The following EHBP1 variants were observed in gnomAD, a reference collection of about 807,000 sequenced individuals.
EHBP1 encodes the protein EH domain binding protein 1, also known as EH domain-binding protein 1.
A neutral mutation model predicts 144.0 loss-of-function variants in EHBP1; 55 were observed. That is an observed-to-expected ratio of 0.38 (90% confidence interval 0.31 to 0.48). The LOEUF (loss-of-function observed/expected upper bound fraction) is 0.48, where lower values mean the gene tolerates loss of function less well. EHBP1 is among the 20% of genes least tolerant of loss of function. EHBP1 has a pLI of 0.98. For missense variants in EHBP1, 1,200 were observed against 1,364.2 expected (o/e 0.88, Z 1.90); for synonymous variants, 469 against 472.7 (o/e 0.99, Z 0.10).
intron 4 of EHBP1, among the ~76,000 whole-genome samples, chr2:62,764,690 G>GTTA (rs1279395438): frequency 2.0e-5 from 3 of 152,012 alleles, no homozygotes; most frequent in Non-Finnish European, 4.4e-5. Context: ...CCTTCATTTT[G>GTTA]TTAGCCTTGT....
chr2:62,720,745 C>G (rs76553939), intron 2 of EHBP1, among the ~76,000 whole-genome samples: 413 of 152,240 alleles, frequency 2.7e-3, no homozygotes, highest in Non-Finnish European at 4.1e-3. Context: ...GGTGTCCAAT[C>G]TTTTGGTTTC....
chr2:62,885,608 A>T (rs2051858455), intron 10 of EHBP1, among the ~76,000 whole-genome samples: 1 of 152,242 alleles, frequency 6.6e-6, no homozygotes, highest in African/African-American at 2.4e-5. Context: ...TCAGGAATAT[A>T]AATGAAATTG....
intron 10 of EHBP1, among the ~76,000 whole-genome samples, chr2:62,895,299 C>T (rs922542647): frequency 6.6e-6 from 1 of 152,098 alleles, no homozygotes; most frequent in Admixed American, 6.5e-5. Context: ...TCATCATCAT[C>T]ATCATCATCA....
intron 10 of EHBP1, among the ~76,000 whole-genome samples, chr2:62,920,306 A>C (rs2153002459): frequency 6.6e-6 from 1 of 152,338 alleles, no homozygotes; most frequent in East Asian, 1.9e-4. Flanking sequence ...AGAAGGCAGT[A>C]GACTGATATG....
At chr2:62,911,794 G>T (rs1276980019) in intron 10 of EHBP1, among the ~76,000 whole-genome samples, 1 of 152,110 alleles carries the variant, frequency 6.6e-6, no homozygotes, top group Non-Finnish European at 1.5e-5. Context: ...GTAGGCTGTG[G>T]AGTGTTAGTG....
chr2:62,812,449 A>G (rs2045092507), intron 5 of EHBP1, among the ~76,000 whole-genome samples: 1 of 152,212 alleles, frequency 6.6e-6, no homozygotes, highest in Non-Finnish European at 1.5e-5. Context: ...TGAATAGAGC[A>G]TTGAGAGTAG....
intron 5 of EHBP1, among the ~76,000 whole-genome samples, chr2:62,825,611 GAA>G (rs1330960344): frequency 1.5e-5 from 2 of 133,758 alleles, no homozygotes; most frequent in Non-Finnish European, 1.6e-5. Context: ...GTTGTAGACA[GAA>G]AAAAAAAAAA....
At chr2:62,935,580 TATTA>T (rs1471871891) in intron 10 of EHBP1, among the ~76,000 whole-genome samples, 13 of 152,072 alleles carry the variant, frequency 8.5e-5, no homozygotes, top group Admixed American at 7.9e-4. Flanking sequence ...TAAATTCTCT[TATTA>T]ATTCTAATAA....
At chr2:62,959,604 A>G (rs2057896483) in intron 14 of EHBP1, among the ~76,000 whole-genome samples, 1 of 152,086 alleles carries the variant, frequency 6.6e-6, no homozygotes, top group Non-Finnish European at 1.5e-5. Flanking sequence ...TGTGATCTTG[A>G]TTTGCACTTT....
intron 19 of EHBP1, among the ~76,000 whole-genome samples, chr2:63,024,549 C>G (rs1425440749): frequency 1.4e-5 from 2 of 140,556 alleles, no homozygotes; most frequent in African/African-American, 5.4e-5. Flanking sequence ...CTATAGTGAG[C>G]TGTGATGATG....
intron 15 of EHBP1, among the ~76,000 whole-genome samples, chr2:62,982,791 G>A (rs1451670543): frequency 1.3e-5 from 2 of 152,160 alleles, no homozygotes; most frequent in Non-Finnish European, 2.9e-5. Flanking sequence ...ACTCACCTGC[G>A]AAAGCCTACT....
chr2:62,941,433 G>C (rs2056751329), intron 10 of EHBP1, among the ~76,000 whole-genome samples: 1 of 152,056 alleles, frequency 6.6e-6, no homozygotes, highest in Non-Finnish European at 1.5e-5. Context: ...TTGTAGAGAT[G>C]ATCATTTAAA....
chr2:62,771,403 G>A lies in EHBP1; in HGVS notation c.312+11G>A. ...TTTGTCATAGAAAATGTAAGCTAAT[G>A]GCAAATTCCTTCACCTTTCACATTT... On this transcript the variant is annotated intron_variant, in intron 5 of 22. Transcript: ENST00000431489. The A allele has an allele frequency of 1.3e-6, 2 of 1,578,350 alleles. No homozygotes were observed. Among genetic ancestry groups the A allele is most frequent in the Non-Finnish European group, 1.7e-6 (2 of 1,160,706 alleles).
intron 4 of EHBP1, among the ~76,000 whole-genome samples, chr2:62,765,502 G>A (rs1573219311): frequency 6.6e-6 from 1 of 152,240 alleles, no homozygotes; most frequent in South Asian, 2.1e-4. Flanking sequence ...TGGGGGCACA[G>A]TGCCTACACT....
chr2:63,034,411 T>G (rs2061378952), intron 19 of EHBP1, among the ~76,000 whole-genome samples: 1 of 152,012 alleles, frequency 6.6e-6, no homozygotes, highest in Non-Finnish European at 1.5e-5. Flanking sequence ...GTGACAAAAA[T>G]GTGGTTGTAA....
At chr2:62,798,363 G>A (rs986991975) in intron 5 of EHBP1, among the ~76,000 whole-genome samples, 3 of 149,700 alleles carry the variant, frequency 2.0e-5, no homozygotes, top group East Asian at 2.0e-4. Context: ...GTGAGACTCC[G>A]TCAAAAAAAA....
At chr2:62,736,886 A>G (rs1389542049) in intron 2 of EHBP1, among the ~76,000 whole-genome samples, 1 of 151,976 alleles carries the variant, frequency 6.6e-6, no homozygotes, top group Non-Finnish European at 1.5e-5. Flanking sequence ...TTTGCCTTTT[A>G]TTATGCCTTG....
chr2:62,856,080 G>A (rs527538788), intron 7 of EHBP1, among the ~76,000 whole-genome samples: 2 of 152,286 alleles, frequency 1.3e-5, no homozygotes, highest in Admixed American at 6.5e-5. Context: ...GCTCAGTAAA[G>A]CTCCTCTTTA....
intron 5 of EHBP1, among the ~76,000 whole-genome samples, chr2:62,775,237 C>T (rs1320274218): frequency 6.6e-6 from 1 of 152,030 alleles, no homozygotes; most frequent in Admixed American, 6.5e-5. Context: ...ATATATAAAC[C>T]TCTCCTAGGT....
Sources: allele counts gnomAD v4.1 joint callset (sites outside exome capture counted in the v4.1 genomes callset), GRCh38; gene constraint gnomAD v4.1.1; transcripts MANE v1.5; gene names NCBI Gene and HGNC (gene_info 2026-07-23, HGNC 2026-07-21).